The following EPHB1 variants were observed in gnomAD, a reference collection of about 807,000 sequenced individuals.
EPHB1 encodes the protein EPH receptor B1.
EPHB1 carries 30 observed loss-of-function variants against 94.4 expected under a neutral mutation model. That is an observed-to-expected ratio of 0.32 (90% CI 0.24 to 0.43). The LOEUF (loss-of-function observed/expected upper bound fraction) is 0.43. EPHB1 is among the 20% of genes least tolerant of loss of function. The pLI is 1.00. For missense variants in EPHB1, 1,055 were observed against 1,308.3 expected, an observed-to-expected ratio of 0.81 and a Z score of 2.99; for synonymous variants, 522 against 489.1, an observed-to-expected ratio of 1.07 and a Z score of -0.89.
At chr3:134,895,778 C>T (rs776594943) in intron 1 of EPHB1, among the ~76,000 whole-genome samples, 1 of 152,182 alleles carries the variant, frequency 6.6e-6, no homozygotes, top group African/African-American at 2.4e-5. Flanking sequence ...AACAGAAGAG[C>T]GAGCCAGGTT....
At chr3:135,257,214 A>G (rs1241410880) in intron 15 of EPHB1, among the ~76,000 whole-genome samples, 32 of 152,040 alleles carry the variant, frequency 2.1e-4, no homozygotes, top group East Asian at 1.4e-3. Context: ...TCTTCTCTCA[A>G]CTCGTCAAAG....
intron 3 of EPHB1, among the ~76,000 whole-genome samples, chr3:135,037,111 G>T (rs369347198): frequency 2.0e-5 from 3 of 152,196 alleles, no homozygotes; most frequent in African/African-American, 7.2e-5. Flanking sequence ...AGTAATGAGA[G>T]AATTAGCACA....
At chr3:135,204,273 G>C (rs981643444) in intron 12 of EPHB1, among the ~76,000 whole-genome samples, 5 of 151,776 alleles carry the variant, frequency 3.3e-5, no homozygotes, top group Admixed American at 2.0e-4. Context: ...GCATGATCTC[G>C]GCTCACTGCA....
chr3:134,972,005 A>C (rs1933988290), intron 3 of EPHB1, among the ~76,000 whole-genome samples: 1 of 152,182 alleles, frequency 6.6e-6, no homozygotes, highest in Non-Finnish European at 1.5e-5. Context: ...TCCCATTAAC[A>C]CTTATAATAA....
chr3:135,037,781 G>A (rs1169840789), intron 3 of EPHB1, among the ~76,000 whole-genome samples: 2 of 152,188 alleles, frequency 1.3e-5, no homozygotes, highest in African/African-American at 4.8e-5. Flanking sequence ...GAGGTTTCAT[G>A]ATTTCTGCAT....
At chr3:134,807,086 A>G (rs546415767) in intron 1 of EPHB1, among the ~76,000 whole-genome samples, 1 of 152,278 alleles carries the variant, frequency 6.6e-6, no homozygotes, top group South Asian at 2.1e-4. Flanking sequence ...GCCTTGAGAG[A>G]TGATGCAGCC....
chr3:135,211,725 A>T (rs1452418168), intron 12 of EPHB1, among the ~76,000 whole-genome samples: 1 of 152,296 alleles, frequency 6.6e-6, no homozygotes, highest in East Asian at 1.9e-4. Context: ...TCATATTCGT[A>T]TACGCATTGT....
chr3:135,197,642 C>T (rs1350701927), intron 11 of EPHB1, among the ~76,000 whole-genome samples: 4 of 152,168 alleles, frequency 2.6e-5, no homozygotes, highest in Non-Finnish European at 4.4e-5. Context: ...AATATAAGGG[C>T]CAGCAAGTGG....
intron 1 of EPHB1, among the ~76,000 whole-genome samples, chr3:134,819,581 T>C (rs75720511): frequency 0.019 from 2,968 of 152,306 alleles, 82 homozygotes; most frequent in African/African-American, 0.068. Context: ...AGACACTCAA[T>C]AAATGTTTCC....
chr3:135,140,227 T>C (rs1281766392), intron 5 of EPHB1, among the ~76,000 whole-genome samples: 1 of 152,094 alleles, frequency 6.6e-6, no homozygotes, highest in Non-Finnish European at 1.5e-5. Flanking sequence ...AGCTATCCCA[T>C]AAAGAGGCAT....
At chr3:135,112,763 C>G (rs1267302977) in intron 4 of EPHB1, among the ~76,000 whole-genome samples, 1 of 151,800 alleles carries the variant, frequency 6.6e-6, no homozygotes, top group African/African-American at 2.4e-5. Context: ...TGTATATGTG[C>G]CACATTTTCT....
chr3:135,177,333 T>A (rs1338404064), intron 9 of EPHB1, among the ~76,000 whole-genome samples: 1 of 152,214 alleles, frequency 6.6e-6, no homozygotes, highest in Non-Finnish European at 1.5e-5. Flanking sequence ...CTGCTGTCCC[T>A]TTTGCATTCT....
At chr3:134,920,297 G>A (rs2038657732) in intron 1 of EPHB1, among the ~76,000 whole-genome samples, 1 of 152,182 alleles carries the variant, frequency 6.6e-6, no homozygotes, top group East Asian at 1.9e-4. Flanking sequence ...GGAAGGAGTT[G>A]GGGCTGCCGT....
At chr3:135,021,806 A>C (rs945642561) in intron 3 of EPHB1, among the ~76,000 whole-genome samples, 2 of 152,252 alleles carry the variant, frequency 1.3e-5, no homozygotes, top group Non-Finnish European at 2.9e-5. Context: ...TGCTAGGAAG[A>C]AAATAACACA....
intron 11 of EPHB1, among the ~76,000 whole-genome samples, chr3:135,200,490 G>A (rs1275444604): frequency 1.3e-5 from 2 of 152,224 alleles, no homozygotes; most frequent in Non-Finnish European, 1.5e-5. Context: ...TCTAAGGGCT[G>A]AAAGCCCTGG....
chr3:134,904,134 G>A (rs1459587058), intron 1 of EPHB1, among the ~76,000 whole-genome samples: 1 of 152,176 alleles, frequency 6.6e-6, no homozygotes, highest in Non-Finnish European at 1.5e-5. Flanking sequence ...GGCTCCAGGT[G>A]GGAGAAGAGG....
chr3:134,871,069 T>G (rs1301384625), intron 1 of EPHB1, among the ~76,000 whole-genome samples: 1 of 152,086 alleles, frequency 6.6e-6, no homozygotes, highest in Non-Finnish European at 1.5e-5. Flanking sequence ...CTGAGAAAGG[T>G]CTCTGCTTCA....
chr3:135,065,610 C>T (rs1937570920), intron 3 of EPHB1, among the ~76,000 whole-genome samples: 1 of 152,150 alleles, frequency 6.6e-6, no homozygotes. Context: ...TTGAAGGCAG[C>T]AGATAGTTGG....
chr3:135,260,427 C>T lies in EPHB1; in HGVS notation c.*1307C>T, dbSNP rs547018427. On this transcript the variant is annotated 3_prime_UTR_variant, in exon 16 of 16. Transcript: ENST00000398015. ...TAATCTCCTTGCTAATTTTATCTGTCTAATTAAAAAGAGCAGAAGCATGTC... is the reference window on the plus strand; with the variant it reads ...TAATCTCCTTGCTAATTTTATCTGTTTAATTAAAAAGAGCAGAAGCATGTC... The T allele has an allele frequency of 2.0e-4, 46 of 225,714 alleles. No individual in the cohort carries two copies. Among genetic ancestry groups the T allele is most frequent in the African/African-American group, 8.9e-4 (40 of 44,994 alleles). The allele number at this position is 225,714 out of a possible 1,614,324, so 14.0% of individuals were successfully genotyped here.
Sources: gnomAD v4.1 joint callset for allele counts (sites outside exome capture counted in the v4.1 genomes callset) on GRCh38, gnomAD v4.1.1 for gene constraint, MANE v1.5 for transcripts, NCBI Gene and HGNC (gene_info 2026-07-23, HGNC 2026-07-21) for gene names.